The following OTUD7A variants were observed in gnomAD, a reference collection of about 807,000 sequenced individuals.
OTUD7A encodes the protein OTU domain-containing protein 7A.
Under a neutral mutation model 65.7 loss-of-function variants are expected in OTUD7A, and 12 were observed. The observed-to-expected ratio is 0.18, with a 90% CI of 0.12 to 0.30. The LOEUF is 0.30. Ranked by LOEUF, OTUD7A falls within the 10% of genes least tolerant of loss-of-function variation. The pLI is 1.00. For missense variants in OTUD7A, 1,148 were observed against 1,304.8 expected (o/e 0.88, Z 1.85); for synonymous variants, 641 against 586.3 (o/e 1.09, Z -1.35).
intron 3 of OTUD7A, among the ~76,000 whole-genome samples, chr15:31,571,001 G>A (rs1302271904): frequency 1.3e-5 from 2 of 152,250 alleles, no homozygotes; most frequent in African/African-American, 4.8e-5. Flanking sequence ...ATAACTTAAT[G>A]TATATTTCAA....
intron 1 of OTUD7A, among the ~76,000 whole-genome samples, chr15:31,848,903 G>C (rs1897353573): frequency 6.6e-6 from 1 of 152,150 alleles, no homozygotes; most frequent in African/African-American, 2.4e-5. Context: ...CACATCCCAA[G>C]CTATTTCCAA....
intron 5 of OTUD7A, among the ~76,000 whole-genome samples, chr15:31,550,637 A>G (rs1305559020): frequency 1.3e-5 from 2 of 152,192 alleles, no homozygotes; most frequent in Non-Finnish European, 2.9e-5. Flanking sequence ...GACTATGAGC[A>G]GAGTCTCAGA....
chr15:31,679,330 T>C (rs1056684161), intron 1 of OTUD7A, among the ~76,000 whole-genome samples: 3 of 152,220 alleles, frequency 2.0e-5, no homozygotes, highest in African/African-American at 7.2e-5. Context: ...TGGGGGACTG[T>C]TGGAAAGGCA....
At chr15:31,849,658 A>G (rs1318570717) in intron 1 of OTUD7A, among the ~76,000 whole-genome samples, 1 of 152,254 alleles carries the variant, frequency 6.6e-6, no homozygotes, top group African/African-American at 2.4e-5. Context: ...TACCCATCTG[A>G]TAAAAGGCTA....
chr15:31,666,347 A>G (rs1335679732), intron 1 of OTUD7A, among the ~76,000 whole-genome samples: 4 of 152,032 alleles, frequency 2.6e-5, no homozygotes, highest in Non-Finnish European at 5.9e-5. Context: ...TTAAGCTAGG[A>G]GGATTGTATT....
At chr15:31,823,953 A>G (rs965054894) in intron 1 of OTUD7A, among the ~76,000 whole-genome samples, 2 of 152,238 alleles carry the variant, frequency 1.3e-5, no homozygotes, top group Non-Finnish European at 2.9e-5. Flanking sequence ...GAATCCATTC[A>G]TTCATGGGTT....
intron 1 of OTUD7A, among the ~76,000 whole-genome samples, chr15:31,751,347 A>C (rs1894630210): frequency 6.6e-6 from 1 of 152,238 alleles, no homozygotes; most frequent in African/African-American, 2.4e-5. Flanking sequence ...AGAGAAATGC[A>C]TGCCGAAACC....
At chr15:31,861,683 G>T (rs899101051) in intron 1 of OTUD7A, among the ~76,000 whole-genome samples, 1 of 152,140 alleles carries the variant, frequency 6.6e-6, no homozygotes, top group Non-Finnish European at 1.5e-5. Flanking sequence ...AGAGATTTGG[G>T]GATGAACTGC....
At chr15:31,501,862 G>A in intron 9 of OTUD7A, 23 bp from the exon 10 acceptor site, 3 of 1,591,560 alleles carry the variant, frequency 1.9e-6, no homozygotes, top group Non-Finnish European at 2.6e-6. Flanking sequence ...ACCAGGGTGA[G>A]GGTGTGAGGA....
intron 1 of OTUD7A, chr15:31,765,833 C>T: frequency 7.5e-7 from 1 of 1,328,672 alleles, no homozygotes; most frequent in Non-Finnish European, 1.1e-6. Context: ...CTGCTTCACT[C>T]TCCATGGTTG....
At chr15:31,486,132 T>A (rs1007653022) in intron 12 of OTUD7A, among the ~76,000 whole-genome samples, 13 of 152,180 alleles carry the variant, frequency 8.5e-5, no homozygotes, top group African/African-American at 3.1e-4. Flanking sequence ...CACCGAGGCC[T>A]GGCAATTGCA....
At chr15:31,795,868 G>A (rs1895938588) in intron 1 of OTUD7A, among the ~76,000 whole-genome samples, 1 of 152,160 alleles carries the variant, frequency 6.6e-6, no homozygotes, top group Non-Finnish European at 1.5e-5. Flanking sequence ...AAGAAAGACA[G>A]CACAGGAATG....
At chr15:31,860,749 A>G (rs1015725526) in intron 1 of OTUD7A, among the ~76,000 whole-genome samples, 24 of 141,350 alleles carry the variant, frequency 1.7e-4, no homozygotes, top group Non-Finnish European at 3.7e-4. Flanking sequence ...TCTGTTGCCC[A>G]GGCTGGAGTG....
At chr15:31,652,635 C>G (rs1891874114) in intron 3 of OTUD7A, among the ~76,000 whole-genome samples, 1 of 152,104 alleles carries the variant, frequency 6.6e-6, no homozygotes, top group Non-Finnish European at 1.5e-5. Context: ...AAAACTCAAT[C>G]AAACAACTCA....
intron 8 of OTUD7A, among the ~76,000 whole-genome samples, chr15:31,513,957 G>A (rs2041802084): frequency 6.6e-6 from 1 of 152,062 alleles, no homozygotes; most frequent in Admixed American, 6.5e-5. Context: ...TGGATGCTCA[G>A]ATACTCCTTG....
At chr15:31,739,413 AAGT>A (rs1288071602) in intron 1 of OTUD7A, among the ~76,000 whole-genome samples, 1 of 152,228 alleles carries the variant, frequency 6.6e-6, no homozygotes, top group Admixed American at 6.5e-5. Context: ...AATATCTTAA[AAGT>A]AGTCACAAGT....
intron 1 of OTUD7A, among the ~76,000 whole-genome samples, chr15:31,719,236 G>C (rs1013467151): frequency 1.3e-5 from 2 of 152,058 alleles, no homozygotes; most frequent in Non-Finnish European, 2.9e-5. Context: ...CACCACCATT[G>C]CTCGCCCATG....
chr15:31,688,358 T>C (rs2141315050), intron 1 of OTUD7A, among the ~76,000 whole-genome samples: 1 of 152,238 alleles, frequency 6.6e-6, no homozygotes, highest in East Asian at 1.9e-4. Context: ...TGAATCTAAG[T>C]ATGAGGAAAT....
intron 4 of OTUD7A, among the ~76,000 whole-genome samples, chr15:31,563,837 A>C (rs575364374): frequency 6.6e-6 from 1 of 152,154 alleles, no homozygotes; most frequent in Admixed American, 6.5e-5. Context: ...CTAGAGCCCA[A>C]ATGACAACAT....
Sources: gnomAD v4.1 joint callset for allele counts (sites outside exome capture counted in the v4.1 genomes callset) on GRCh38, gnomAD v4.1.1 for gene constraint, MANE v1.5 for transcripts, NCBI Gene and HGNC (gene_info 2026-07-23, HGNC 2026-07-21) for gene names.